TFAP2D: variants seen among roughly 807,000 people sequenced by gnomAD.
TFAP2D encodes the protein transcription factor AP-2-delta.
Under a neutral mutation model 43.6 loss-of-function variants are expected in TFAP2D, and 9 were observed. That is an observed-to-expected ratio of 0.21 (90% CI 0.12 to 0.36). TFAP2D has a LOEUF of 0.36. Among genes scored for constraint, TFAP2D ranks in the 10% least tolerant of loss-of-function variants. The pLI, the probability that TFAP2D is intolerant of heterozygous loss-of-function variation, is 1.00. For synonymous variants in TFAP2D, 256 were observed against 224.9 expected, an observed-to-expected ratio of 1.14 and a Z score of -1.24; for missense variants, 513 against 561.4, an observed-to-expected ratio of 0.91 and a Z score of 0.87.
At chr6:50,723,299 G>A (rs959283077) in intron 3 of TFAP2D, among the ~76,000 whole-genome samples, 1 of 152,236 alleles carries the variant, frequency 6.6e-6, no homozygotes, top group African/African-American at 2.4e-5. Context: ...CCGGCAGCAG[G>A]CTGCTTGGCA....
chr6:50,722,373 G>C (rs1209314456), intron 3 of TFAP2D, among the ~76,000 whole-genome samples: 1 of 152,112 alleles, frequency 6.6e-6, no homozygotes, highest in East Asian at 1.9e-4. Flanking sequence ...TATTAATGTT[G>C]TACGTACAGA....
intron 7 of TFAP2D, among the ~76,000 whole-genome samples, chr6:50,755,961 C>T (rs1012227714): frequency 2.0e-5 from 3 of 151,872 alleles, no homozygotes; most frequent in East Asian, 1.9e-4. Context: ...TCATGTCTCA[C>T]GTACCCTAGA....
chr6:50,716,962 T>C (rs1012626463), intron 2 of TFAP2D, among the ~76,000 whole-genome samples: 1 of 152,218 alleles, frequency 6.6e-6, no homozygotes, highest in Non-Finnish European at 1.5e-5. Context: ...AGAAAAAAGA[T>C]TTGGTTCCAT....
At chr6:50,733,909 C>T (rs1194076617) in intron 5 of TFAP2D, among the ~76,000 whole-genome samples, 3 of 151,864 alleles carry the variant, frequency 2.0e-5, no homozygotes, top group Non-Finnish European at 4.4e-5. Flanking sequence ...TATTTAAGCT[C>T]GTAAATATAA....
intron 3 of TFAP2D, among the ~76,000 whole-genome samples, chr6:50,728,312 T>A (rs771493795): frequency 6.6e-6 from 1 of 152,228 alleles, no homozygotes; most frequent in Non-Finnish European, 1.5e-5. Flanking sequence ...TTTCTTTCAA[T>A]GAGTAACTGG....
chr6:50,717,965 A>G (rs752550887), intron 2 of TFAP2D: 2 of 152,208 alleles, frequency 1.3e-5, no homozygotes, highest in Non-Finnish European at 2.9e-5. Context: ...TGAAAGTCCA[A>G]TGGTTTGGAG....
chr6:50,729,074 C>T, intron 4 of TFAP2D, 53 bp downstream of exon 4: 2 of 1,607,672 alleles, frequency 1.2e-6, no homozygotes, highest in Non-Finnish European at 8.5e-7. Flanking sequence ...ATACCATACC[C>T]TCAACCCTTA....
chr6:50,757,205 A>T (rs1769277201), intron 7 of TFAP2D, among the ~76,000 whole-genome samples: 1 of 149,614 alleles, frequency 6.7e-6, no homozygotes, highest in Non-Finnish European at 1.5e-5. Flanking sequence ...TGACTAGAGG[A>T]TTATCCCATT....
intron 7 of TFAP2D, 83 bp downstream of exon 7, chr6:50,751,407 A>C (rs1170850839): frequency 5.3e-6 from 5 of 938,120 alleles, no homozygotes; most frequent in Non-Finnish European, 8.6e-6. Flanking sequence ...TAGAGATACC[A>C]CTTATATGTT....
intron 7 of TFAP2D, among the ~76,000 whole-genome samples, chr6:50,770,078 AG>A (rs1769502998): frequency 6.6e-6 from 1 of 152,186 alleles, no homozygotes; most frequent in African/African-American, 2.4e-5. Context: ...ATGAGAAAAG[AG>A]ACAGTTTGTG....
chr6:50,763,588 C>T (rs1355122722), intron 7 of TFAP2D, among the ~76,000 whole-genome samples: 1 of 152,102 alleles, frequency 6.6e-6, no homozygotes, highest in Non-Finnish European at 1.5e-5. Context: ...ATTACTTCTA[C>T]TTTTTAAATA....
At chr6:50,768,042 A>G (rs1394639019) in intron 7 of TFAP2D, among the ~76,000 whole-genome samples, 1 of 152,200 alleles carries the variant, frequency 6.6e-6, no homozygotes, top group Non-Finnish European at 1.5e-5. Flanking sequence ...TGATATTTGC[A>G]TGTGAAATGC....
intron 7 of TFAP2D, 51 bp downstream of exon 7, chr6:50,751,375 G>T: frequency 8.1e-7 from 1 of 1,238,476 alleles, no homozygotes; most frequent in Non-Finnish European, 1.2e-6. Flanking sequence ...CCAGATGCTT[G>T]TATTCCTATC....
At chr6:50,745,625 A>G (rs1769114953) in intron 6 of TFAP2D, among the ~76,000 whole-genome samples, 1 of 152,132 alleles carries the variant, frequency 6.6e-6, no homozygotes, top group Non-Finnish European at 1.5e-5. Flanking sequence ...TAAAATCTCA[A>G]AACACCATAA....
chr6:50,744,652 T>C (rs971748110), intron 5 of TFAP2D, among the ~76,000 whole-genome samples: 5 of 152,204 alleles, frequency 3.3e-5, no homozygotes, highest in African/African-American at 9.7e-5. Context: ...AAAAGTTATA[T>C]GGACCCTTCG....
chr6:50,742,994 CAT>C (rs1581769271), intron 5 of TFAP2D, among the ~76,000 whole-genome samples: 1 of 147,446 alleles, frequency 6.8e-6, no homozygotes, highest in Non-Finnish European at 1.5e-5. Context: ...CACACACACA[CAT>C]CTTTGTGCCA....
intron 3 of TFAP2D, among the ~76,000 whole-genome samples, chr6:50,728,419 T>C (rs569976532): frequency 3.3e-5 from 5 of 152,338 alleles, no homozygotes; most frequent in Non-Finnish European, 7.3e-5. Flanking sequence ...GAAAAGACAG[T>C]AATTGTGGAT....
chr6:50,767,152 T>C (rs1769457424), intron 7 of TFAP2D, among the ~76,000 whole-genome samples: 1 of 152,174 alleles, frequency 6.6e-6, no homozygotes, highest in Non-Finnish European at 1.5e-5. Context: ...TCCTTTCTGA[T>C]TTGGATGCTT....
intron 5 of TFAP2D, among the ~76,000 whole-genome samples, chr6:50,742,573 CATAGATAGATAGATAG>C (rs144051096): frequency 0.033 from 4,844 of 145,476 alleles, 104 homozygotes; most frequent in Non-Finnish European, 0.044. Context: ...GACAGACACA[CATAGATAGATAGATAG>C]ATAGATAGAT....
Sources: gnomAD v4.1 joint callset for allele counts (sites outside exome capture counted in the v4.1 genomes callset) on GRCh38, gnomAD v4.1.1 for gene constraint, MANE v1.5 for transcripts, NCBI Gene and HGNC (gene_info 2026-07-23, HGNC 2026-07-21) for gene names.